The following XKR4 variants were observed in gnomAD, a reference collection of about 807,000 sequenced individuals.
XKR4 encodes the protein XK related 4.
A neutral mutation model predicts 53.9 loss-of-function variants in XKR4; 12 were observed. The observed-to-expected ratio is 0.22, with a 90% confidence interval of 0.14 to 0.36. The LOEUF (loss-of-function observed/expected upper bound fraction) is 0.36, where lower values mean the gene tolerates loss of function less well. Among genes scored for constraint, XKR4 ranks in the 10% least tolerant of loss-of-function variants. The probability of loss-of-function intolerance (pLI) is 1.00; values close to 1 mark genes in which losing one functional copy is unlikely to be tolerated. For synonymous variants in XKR4, 354 were observed against 362.4 expected, an observed-to-expected ratio of 0.98 and a Z score of 0.26; for missense variants, 799 against 859.5, an observed-to-expected ratio of 0.93 and a Z score of 0.88.
intron 2 of XKR4, among the ~76,000 whole-genome samples, chr8:55,399,559 T>C (rs1260383772): frequency 1.3e-5 from 2 of 152,204 alleles, no homozygotes; most frequent in African/African-American, 4.8e-5. Context: ...CCTAACCACA[T>C]GTGTGGAAAT....
chr8:55,193,001 T>A (rs1817463814), intron 1 of XKR4, among the ~76,000 whole-genome samples: 1 of 151,982 alleles, frequency 6.6e-6, no homozygotes, highest in Middle Eastern at 3.2e-3. Context: ...TTGTTTCTCC[T>A]CCTTCATTCT....
chr8:55,452,315 C>A (rs770055140), intron 2 of XKR4: 2 of 640,088 alleles, frequency 3.1e-6, no homozygotes, highest in Non-Finnish European at 5.7e-6. Flanking sequence ...GCGCGGCCAC[C>A]GGGAAGGAGC....
chr8:55,209,226 T>TA (rs1400109669), intron 1 of XKR4, among the ~76,000 whole-genome samples: 1 of 151,488 alleles, frequency 6.6e-6, no homozygotes, highest in African/African-American at 2.4e-5. Flanking sequence ...TGTGTGTGTG[T>TA]GTTATTCTTC....
chr8:55,393,081 AT>A (rs1804464922), intron 2 of XKR4, among the ~76,000 whole-genome samples: 1 of 152,096 alleles, frequency 6.6e-6, no homozygotes, highest in African/African-American at 2.4e-5. Context: ...GCCAAATAAA[AT>A]AATGGATTTA....
intron 1 of XKR4, among the ~76,000 whole-genome samples, chr8:55,290,158 C>T (rs1353686071): frequency 7.1e-6 from 1 of 140,752 alleles, no homozygotes; most frequent in Non-Finnish European, 1.5e-5. Flanking sequence ...GAGATGGAGT[C>T]TCACCCTGTC....
chr8:55,474,184 A>G (rs572272181), intron 2 of XKR4, among the ~76,000 whole-genome samples: 42 of 152,256 alleles, frequency 2.8e-4, no homozygotes, highest in Non-Finnish European at 5.0e-4. Flanking sequence ...CACTGGGATT[A>G]CAGGCATCAG....
In XKR4 at chr8:55,357,771, G is replaced by T; in HGVS notation, c.900G>T (p.Ala300=). 6.2e-7 allele frequency: 1 copy of T among 1,614,208 alleles called. No homozygotes were observed. The change falls in exon 2 of 3, where the codon GCG becomes GCT. Residue 300 remains alanine (A), a synonymous_variant. Transcript: ENST00000327381. ...ACTGGAAAATGGTATATGAGTATGC[G>T]GATGTGAGTATGCTGCATTTGCTAG... ...RFYWKMVYEY[A]DVSMLHLLAT...
At chr8:55,285,490 A>G (rs918243845) in intron 1 of XKR4, among the ~76,000 whole-genome samples, 1 of 152,182 alleles carries the variant, frequency 6.6e-6, no homozygotes, top group African/African-American at 2.4e-5. Flanking sequence ...TGCATGACAG[A>G]GGAGAGAAGG....
intron 1 of XKR4, among the ~76,000 whole-genome samples, chr8:55,295,733 G>A (rs1297068604): frequency 1.3e-5 from 2 of 152,130 alleles, no homozygotes; most frequent in Non-Finnish European, 2.9e-5. Flanking sequence ...TGTCTCCTAA[G>A]CGTATTTTTC....
chr8:55,362,253 A>C (rs1443693398), intron 2 of XKR4, among the ~76,000 whole-genome samples: 1 of 152,180 alleles, frequency 6.6e-6, no homozygotes, highest in Non-Finnish European at 1.5e-5. Context: ...TAACAGGTGA[A>C]GAATTTGAGG....
chr8:55,278,178 T>C (rs1818790822), intron 1 of XKR4, among the ~76,000 whole-genome samples: 2 of 151,772 alleles, frequency 1.3e-5, no homozygotes, highest in Non-Finnish European at 2.9e-5. Context: ...CTACTAAAAA[T>C]CGAAAAAAAT....
At chr8:55,515,558 T>C (rs1425484000) in intron 2 of XKR4, among the ~76,000 whole-genome samples, 4 of 152,218 alleles carry the variant, frequency 2.6e-5, no homozygotes, top group Non-Finnish European at 1.5e-5. Context: ...TTTTGTGACC[T>C]GCTACTCTTA....
intron 2 of XKR4, among the ~76,000 whole-genome samples, chr8:55,447,646 C>T (rs565944826): frequency 6.6e-6 from 1 of 152,276 alleles, no homozygotes; most frequent in East Asian, 1.9e-4. Flanking sequence ...ATAGACAGCC[C>T]TGTAGTCCTC....
chr8:55,298,941 T>C (rs1819139827), intron 1 of XKR4, among the ~76,000 whole-genome samples: 1 of 152,218 alleles, frequency 6.6e-6, no homozygotes, highest in Non-Finnish European at 1.5e-5. Context: ...AACAGTCGTG[T>C]AGTTATCAAA....
chr8:55,273,732 C>T (rs1777500958), intron 1 of XKR4, among the ~76,000 whole-genome samples: 1 of 152,176 alleles, frequency 6.6e-6, no homozygotes, highest in African/African-American at 2.4e-5. Flanking sequence ...TCACTGGCCT[C>T]CCCCCACTCG....
chr8:55,408,902 G>A (rs931517909), intron 2 of XKR4, among the ~76,000 whole-genome samples: 1 of 151,758 alleles, frequency 6.6e-6, no homozygotes, highest in Non-Finnish European at 1.5e-5. Context: ...AGCTACTCAG[G>A]AGGCTGAGGT....
At chr8:55,105,928 G>A (rs1816140702) in intron 1 of XKR4, among the ~76,000 whole-genome samples, 1 of 152,262 alleles carries the variant, frequency 6.6e-6, no homozygotes, top group Non-Finnish European at 1.5e-5. Context: ...ATAAGCCGAC[G>A]AAGTGCAACT....
chr8:55,329,318 G>A (rs973060696), intron 1 of XKR4, among the ~76,000 whole-genome samples: 4 of 152,076 alleles, frequency 2.6e-5, no homozygotes, highest in South Asian at 2.1e-4. Context: ...AGCCCAGGAC[G>A]GCTCTGCATT....
chr8:55,366,490 G>A (rs920251550), intron 2 of XKR4, among the ~76,000 whole-genome samples: 4 of 152,152 alleles, frequency 2.6e-5, no homozygotes, highest in Non-Finnish European at 5.9e-5. Flanking sequence ...CCTTAAATGC[G>A]TGACCACAGA....
Sources: gnomAD v4.1 joint callset for allele counts (sites outside exome capture counted in the v4.1 genomes callset) on GRCh38, gnomAD v4.1.1 for gene constraint, MANE v1.5 for transcripts, NCBI Gene and HGNC (gene_info 2026-07-23, HGNC 2026-07-21) for gene names.